SV2B: variants seen among roughly 807,000 people sequenced by gnomAD.
SV2B encodes the protein solute carrier family 22 member B2.
Under a neutral mutation model 73.9 loss-of-function variants are expected in SV2B, and 41 were observed. That is an observed-to-expected ratio of 0.56 (90% CI 0.43 to 0.72). The LOEUF (loss-of-function observed/expected upper bound fraction) is 0.72, where lower values mean the gene tolerates loss of function less well. Among genes scored for constraint, SV2B ranks in the 30% least tolerant of loss-of-function variants. SV2B has a pLI of 0.00. For missense variants in SV2B, 764 were observed against 857.8 expected (o/e 0.89, Z 1.37); for synonymous variants, 314 against 314.2 (o/e 1.00, Z 0.01).
chr15:91,153,023 G>A (rs2043362007), intron 1 of SV2B, among the ~76,000 whole-genome samples: 1 of 152,092 alleles, frequency 6.6e-6, no homozygotes, highest in African/African-American at 2.4e-5. Flanking sequence ...CTTCCAAGAT[G>A]GTGCTGGGTT....
At chr15:91,264,037 G>A (rs986051092) in intron 6 of SV2B, among the ~76,000 whole-genome samples, 1 of 152,246 alleles carries the variant, frequency 6.6e-6, no homozygotes, top group Non-Finnish European at 1.5e-5. Flanking sequence ...AGTCCTGCTG[G>A]ATAATTCCTT....
rs1241661120 is a variant in SV2B, at chr15:91,132,300, T to G, written c.-392+31937T>G. On this transcript the variant is annotated intron_variant, in intron 1 of 12. Coordinates refer to ENST00000394232, the MANE Select transcript of SV2B (RefSeq NM_001323032.3). This position sits in a 1 kb window ranked among gnomAD's most constrained non-coding sequence, Gnocchi z 4.6. The stretch of plus-strand genomic sequence containing the variant: ...GTAGCCCACAATCAGTCTGATTGGT[T>G]GCAGAAAGCAGCCAACCAGAGGCTG... Among the ~76,000 whole-genome samples the G allele has an allele frequency of 6.6e-6, 1 of 152,196 alleles. No individual in the cohort carries two copies. Among genetic ancestry groups the G allele is most frequent in the Non-Finnish European group, 1.5e-5 (1 of 68,032 alleles).
At chr15:91,260,849 G>C (rs1401624884) in intron 6 of SV2B, among the ~76,000 whole-genome samples, 1 of 152,220 alleles carries the variant, frequency 6.6e-6, no homozygotes, top group Non-Finnish European at 1.5e-5. Flanking sequence ...AGAAACCCCT[G>C]ATAAACCCAT....
At chr15:91,102,923 T>C (rs1317160636) in intron 1 of SV2B, among the ~76,000 whole-genome samples, 2 of 152,104 alleles carry the variant, frequency 1.3e-5, no homozygotes, top group African/African-American at 4.8e-5. Flanking sequence ...TGCAAAACCC[T>C]GAGATAGGAG....
intron 1 of SV2B, among the ~76,000 whole-genome samples, chr15:91,194,891 C>T (rs568377545): frequency 8.5e-5 from 13 of 152,150 alleles, no homozygotes; most frequent in African/African-American, 3.1e-4. Context: ...CGGCCTGTGT[C>T]TATGTGGTTG....
intron 2 of SV2B, among the ~76,000 whole-genome samples, chr15:91,228,679 C>G (rs1278303178): frequency 6.6e-6 from 1 of 152,218 alleles, no homozygotes; most frequent in Non-Finnish European, 1.5e-5. Flanking sequence ...TGGTCTTAAT[C>G]TGAGAGTCCA....
intron 1 of SV2B, among the ~76,000 whole-genome samples, chr15:91,133,948 G>T (rs2042734035): frequency 6.7e-6 from 1 of 149,244 alleles, no homozygotes; most frequent in African/African-American, 2.5e-5. Flanking sequence ...AGTGAGGCAT[G>T]TTGAGATACC....
rs1330183349 is a variant in SV2B, at chr15:91,280,012, A to T, written c.1374-1716A>T. On this transcript the variant is annotated intron_variant, in intron 9 of 12. Coordinates refer to ENST00000394232, the MANE Select transcript of SV2B (RefSeq NM_001323032.3). The surrounding 1 kb of genome is among the most constrained non-coding windows in gnomAD (Gnocchi z 5.8). The stretch of plus-strand genomic sequence containing the variant: ...GACCAATGATTCTCAAATTTCTTTA[A>T]GTATAATAATCTGGTCTCTGCCATT... 2.0e-5 allele frequency among the ~76,000 whole-genome samples: 3 copies of T among 152,238 alleles called. No individual in the cohort carries two copies. The highest frequency in any genetic ancestry group is 7.2e-5 in the African/African-American group (3 of 41,450).
At chr15:91,219,787 CCCCACTGTCA>C (rs1452667322) in intron 1 of SV2B, among the ~76,000 whole-genome samples, 1 of 152,180 alleles carries the variant, frequency 6.6e-6, no homozygotes, top group African/African-American at 2.4e-5. Flanking sequence ...TACAATCATT[CCCCACTGTCA>C]CCCACAGCTC....
At chr15:91,228,146 A>T (rs2046445548) in intron 2 of SV2B, among the ~76,000 whole-genome samples, 1 of 152,224 alleles carries the variant, frequency 6.6e-6, no homozygotes, top group South Asian at 2.1e-4. Context: ...GGGCTCTTAA[A>T]AATGGTTTTA....
intron 1 of SV2B, among the ~76,000 whole-genome samples, chr15:91,166,041 T>C (rs982504098): frequency 6.6e-6 from 1 of 152,240 alleles, no homozygotes; most frequent in African/African-American, 2.4e-5. Flanking sequence ...TCCATTGTTT[T>C]CTGGCTTCCA....
rs2042005334 is a variant in SV2B, at chr15:91,110,467, C to T, written c.-392+10104C>T. ...GATTGCTCAATCCTCTGGGATTTTC[C>T]CTGCCTGGCTCCCAGAGCCCAGGCC... On this transcript the variant is annotated intron_variant, in intron 1 of 12. Coordinates refer to ENST00000394232, the MANE Select transcript of SV2B (RefSeq NM_001323032.3). This position sits in a 1 kb window ranked among gnomAD's most constrained non-coding sequence, Gnocchi z 5.4. Among the ~76,000 whole-genome samples the T allele has an allele frequency of 6.6e-6, 1 of 152,210 alleles. No homozygotes were observed. Among genetic ancestry groups the T allele is most frequent in the African/African-American group, 2.4e-5 (1 of 41,450 alleles).
intron 2 of SV2B, among the ~76,000 whole-genome samples, chr15:91,243,263 C>T (rs926005626): frequency 6.6e-6 from 1 of 152,172 alleles, no homozygotes; most frequent in African/African-American, 2.4e-5. Context: ...TGTCATACCT[C>T]CACTGGCCCA....
At chr15:91,162,195 TA>T (rs780425056) in intron 1 of SV2B, among the ~76,000 whole-genome samples, 4 of 152,218 alleles carry the variant, frequency 2.6e-5, no homozygotes, top group Admixed American at 2.0e-4. Context: ...TAATAGCTAT[TA>T]AAAAGAAAAA....
rs1596493435 is a variant in SV2B at position 91,158,710 on chromosome 15, TC to T, written c.-392+58348del. Among the ~76,000 whole-genome samples, 151 of 89,546 alleles carry T rather than the reference TC, an allele frequency of 1.7e-3. 1 individual carries two copies. The highest frequency in any genetic ancestry group is 0.01 in the Middle Eastern group (2 of 194). The allele number at this position is 89,546 out of a possible 152,430, so 58.7% of individuals were successfully genotyped here. A position where few individuals can be genotyped will look rare whatever the true frequency, so the allele number is the denominator to read the frequency against. On this transcript the variant is annotated intron_variant, in intron 1 of 12. Coordinates refer to ENST00000394232, the MANE Select transcript of SV2B (RefSeq NM_001323032.3). ...TCTTCTCTTCTCTTCTCTCCTCTCC[TC>T]TCCTCTCCTCTCCTCTCTTCTCCTC...
Position 91,121,785 on chromosome 15 carries a change from T to A in SV2B, c.-392+21422T>A, listed in dbSNP as rs1291021515. Among the ~76,000 whole-genome samples the A allele has an allele frequency of 6.6e-6, 1 of 151,484 alleles. No homozygotes were observed. Among genetic ancestry groups the A allele is most frequent in the Non-Finnish European group, 1.5e-5 (1 of 67,780 alleles). On this transcript the variant is annotated intron_variant, in intron 1 of 12. Coordinates refer to ENST00000394232, the MANE Select transcript of SV2B (RefSeq NM_001323032.3). The surrounding 1 kb of genome is among the most constrained non-coding windows in gnomAD (Gnocchi z 4.4). The stretch of plus-strand genomic sequence containing the variant: ...ATTTATATATTAATAGTGTTTTTTT[T>A]TTTTTTTGAGATGGAGTCTCGCTCT...
intron 1 of SV2B, among the ~76,000 whole-genome samples, chr15:91,217,195 T>G (rs2046062463): frequency 6.6e-6 from 1 of 152,226 alleles, no homozygotes; most frequent in African/African-American, 2.4e-5. Flanking sequence ...CTATTAACTG[T>G]GTTCATTAAG....
intron 1 of SV2B, among the ~76,000 whole-genome samples, chr15:91,161,203 G>A (rs1293616428): frequency 6.6e-6 from 1 of 152,104 alleles, no homozygotes; most frequent in Non-Finnish European, 1.5e-5. Flanking sequence ...TGATGCAAGT[G>A]TTCTAAAACT....
chr15:91,155,829 G>T (rs1040410526), intron 1 of SV2B, among the ~76,000 whole-genome samples: 2 of 152,186 alleles, frequency 1.3e-5, no homozygotes, highest in Admixed American at 6.5e-5. Flanking sequence ...GGTGGTCATT[G>T]TTCCAGACCG....
Sources: allele counts gnomAD v4.1 joint callset (sites outside exome capture counted in the v4.1 genomes callset), GRCh38; gene constraint gnomAD v4.1.1; non-coding constraint Gnocchi (gnomAD v3.1); transcripts MANE v1.5; gene names NCBI Gene and HGNC (gene_info 2026-07-23, HGNC 2026-07-21).